The following DDX11 variants were observed in gnomAD, a reference collection of about 807,000 sequenced individuals.
The protein encoded by DDX11 is ATP-dependent DNA helicase DDX11.
A neutral mutation model predicts 125.2 loss-of-function variants in DDX11; 72 were observed. The observed-to-expected ratio is 0.58, with a 90% CI of 0.48 to 0.70. DDX11 has a LOEUF of 0.70. Ranked by LOEUF, DDX11 falls within the 30% of genes least tolerant of loss-of-function variation. The probability of loss-of-function intolerance (pLI) is 0.00; values close to 1 mark genes in which losing one functional copy is unlikely to be tolerated. For synonymous variants in DDX11, 347 were observed against 452.6 expected, an observed-to-expected ratio of 0.77 and a Z score of 2.96; for missense variants, 883 against 1,165.0, an observed-to-expected ratio of 0.76 and a Z score of 3.52.
chr12:31,084,987 A>G lies in DDX11; in HGVS notation c.499A>G (p.Arg167Gly), dbSNP rs757579341. ...TGTCCAGAGGCAGGAAGAAGAAGAA[A>G]GAGAGAATCTCCTCCGCCTCAGCAG... Reference protein sequence around the residue: ...AKRLRQEEEERENLLRLSREM... With the variant: ...AKRLRQEEEEGENLLRLSREM... The change falls in exon 5 of 27, where the codon AGA becomes GGA. Residue 167 changes from arginine (R) to glycine (G), a missense_variant. Transcript: ENST00000542838. 422 of 1,609,214 alleles carry G rather than the reference A, an allele frequency of 2.6e-4. No individual in the cohort carries two copies. The highest frequency in any genetic ancestry group is 3.5e-4 in the Non-Finnish European group (413 of 1,177,636).
At chr12:31,087,674 C>T (rs376224303) in intron 5 of DDX11, 24 of 557,288 alleles carry the variant, frequency 4.3e-5, no homozygotes, top group African/African-American at 2.8e-4. Context: ...CCATGAGTCC[C>T]GAGGCTTCCG....
At position 31,102,312 on chromosome 12, in the gene DDX11, G is replaced by A. The variant is rs756194287; in HGVS notation, c.2271+1G>A. ...GCTGGCATATTCCAGGTGCATCCAG[G>A]TGCGGGCGTCATGCTGGGCTTGGGT... On this transcript the variant is annotated splice_donor_variant, in intron 22 of 26. Transcript: ENST00000542838. LOFTEE classifies it high-confidence loss of function. 9 of 1,614,000 alleles carry A rather than the reference G, an allele frequency of 5.6e-6. No individual in the cohort carries two copies. The African/African-American group carries it at 1.2e-4, about 22-fold the overall frequency.
intron 5 of DDX11, among the ~76,000 whole-genome samples, chr12:31,087,050 G>A (rs185893569): frequency 4.7e-5 from 7 of 149,568 alleles, no homozygotes; most frequent in Non-Finnish European, 7.4e-5. Flanking sequence ...GCGTGTGCCT[G>A]TCAGATGGTT....
At position 31,100,840 on chromosome 12, in the gene DDX11, C is replaced by T. The variant is rs190953074; in HGVS notation, c.1948+133C>T. ...CGGGGTGGGAGCCTCACCCTTCGTG[C>T]GCTCGCCCAGGCTCTCCTGCTTTGC... On this transcript the variant is annotated intron_variant, in intron 19 of 26. Coordinates refer to ENST00000542838, the MANE Select transcript of DDX11 (RefSeq NM_030653.4). 266 of 1,125,638 alleles carry T rather than the reference C, an allele frequency of 2.4e-4. 1 individual carries two copies. The African/African-American group carries it at 3.2e-3, about 14-fold the overall frequency. 69.7% of individuals were successfully genotyped at this position (1,125,638 alleles called of 1,614,324 possible).
intron 1 of DDX11, 181 bp from the exon 2 acceptor site, chr12:31,078,209 T>G: frequency 6.5e-7 from 1 of 1,534,928 alleles, no homozygotes; most frequent in Non-Finnish European, 8.8e-7. Context: ...AGTGCGTGAT[T>G]CTGGTATGGC....
intron 9 of DDX11, chr12:31,091,471 T>C: frequency 1.9e-6 from 1 of 515,144 alleles, no homozygotes; most frequent in Non-Finnish European, 3.5e-6. Flanking sequence ...AAGCAGGGGT[T>C]CCCTTCACCC....
At chr12:31,086,002 CG>C (rs1943062041) in intron 5 of DDX11, 1 of 452,680 alleles carries the variant, frequency 2.2e-6, no homozygotes, top group African/African-American at 2.0e-5. Flanking sequence ...GGTTCATCCC[CG>C]GCCTTCACAG....
intron 7 of DDX11, 23 bp from the exon 8 acceptor site, chr12:31,089,380 T>A (rs2005897): frequency 6.3e-7 from 1 of 1,589,024 alleles, no homozygotes; most frequent in African/African-American, 1.3e-5. Flanking sequence ...TCTTTTTGCC[T>A]CTTTCTTTCT....
rs1295524375 is a variant in DDX11 at position 31,093,267 on chromosome 12, C to T, written c.1312C>T (p.Leu438=). ...CAGGAAGCGTTTGAAGGCCAAGAAC[C>T]TGATGTACCTGAAGCAGATCCTGTA... ...RYGKRLKAKN[L]MYLKQILYLL... The change falls in exon 12 of 27, where the codon CTG becomes TTG. Residue 438 remains leucine (L), a synonymous_variant. Coordinates refer to ENST00000542838, the MANE Select transcript of DDX11 (RefSeq NM_030653.4). 5 of 1,613,314 alleles carry T rather than the reference C, an allele frequency of 3.1e-6. No homozygotes were observed. The highest frequency in any genetic ancestry group is 4.5e-5 in the East Asian group (2 of 44,858).
rs12424577 is a variant in DDX11, at chr12:31,089,182, C to T, written c.792+31C>T. The T allele has an allele frequency of 9.8e-3, 15,455 of 1,570,972 alleles. 1,594 individuals are homozygous for T. In the Admixed American group the frequency reaches 0.21, roughly 21 times the overall value. On this transcript the variant is annotated intron_variant, in intron 7 of 26. Transcript: ENST00000542838. ...CAGTAGCCAGTATTTCCACCAGGGG[C>T]CATCCTGCTCCTTTCGCCACAACTT...
At chr12:31,103,222 G>A (rs975503440) in intron 24 of DDX11, 95 bp from the exon 25 acceptor site, 3 of 1,549,026 alleles carry the variant, frequency 1.9e-6, no homozygotes, top group Non-Finnish European at 2.6e-6. Context: ...TGGCCACGAA[G>A]CCTCCTGGTC....
chr12:31,074,565 C>T (rs1305145704), intron 1 of DDX11, among the ~76,000 whole-genome samples: 1 of 152,164 alleles, frequency 6.6e-6, no homozygotes, highest in Non-Finnish European at 1.5e-5. Context: ...TAAAAATGGA[C>T]TTAAATGCTG....
rs752835521 is a variant in DDX11, at chr12:31,087,930, A to T, written c.639-8A>T. ...AAGACTGTTTTCTGTTCTCTCTCACACACACAGAGTGGATGAGGATGAGGA... is the reference window on the plus strand; with the variant it reads ...AAGACTGTTTTCTGTTCTCTCTCACTCACACAGAGTGGATGAGGATGAGGA... On this transcript the variant is annotated splice_region_variant and splice_polypyrimidine_tract_variant and intron_variant, in intron 5 of 26. Transcript: ENST00000542838. 9.3e-6 allele frequency: 15 copies of T among 1,608,330 alleles called. 1 individual carries two copies. The highest frequency in any genetic ancestry group is 7.8e-5 in the South Asian group (7 of 89,904).
chr12:31,080,365 C>T (rs1442917367), intron 2 of DDX11, among the ~76,000 whole-genome samples: 1 of 152,228 alleles, frequency 6.6e-6, no homozygotes. Flanking sequence ...CTCTTGCCTC[C>T]TCAATCTGCC....
intron 2 of DDX11, among the ~76,000 whole-genome samples, chr12:31,082,912 G>A (rs1048221893): frequency 2.0e-5 from 3 of 152,216 alleles, no homozygotes; most frequent in East Asian, 1.9e-4. Context: ...TCATCACATC[G>A]CCTGCCTTCT....
rs772518538 is a variant in DDX11 at position 31,103,814 on chromosome 12, G to A, written c.2699G>A (p.Arg900Gln). 3.1e-5 allele frequency: 50 copies of A among 1,613,694 alleles called. 1 individual carries two copies. Among genetic ancestry groups the A allele is most frequent in the Admixed American group, 1.2e-4 (7 of 59,988 alleles). The change falls in exon 27 of 27, where the codon CGG (arginine) becomes CAG (glutamine). Residue 900 changes from arginine to glutamine, a missense_variant. Around this residue, in one of 5 missense-constraint regions of DDX11, gnomAD observed 285 missense variants for 346.0 expected, o/e 0.82. Transcript: ENST00000542838. ...TGCCTTCTGTCTGCCCAGTTTCACC[G>A]GGAGAAGTCGGCCTCTTCCTGATGG... ...PAIAAVQKFH[R>Q]EKSASS is the part of the protein sequence containing the mutation.
chr12:31,089,691 A>T, intron 8 of DDX11, 195 bp from the exon 9 acceptor site: 5 of 1,223,862 alleles, frequency 4.1e-6, no homozygotes, highest in Non-Finnish European at 5.9e-6. Flanking sequence ...CTTGGAGATG[A>T]TTTTACGGGC....
At chr12:31,080,144 T>G (rs543204008) in intron 2 of DDX11, among the ~76,000 whole-genome samples, 1 of 146,812 alleles carries the variant, frequency 6.8e-6, no homozygotes, top group South Asian at 2.3e-4. Context: ...CAGGCTGGGC[T>G]CCTTTGTTGG....
chr12:31,096,508 G>A (rs1303412084), intron 15 of DDX11, 129 bp downstream of exon 15: 4 of 1,594,728 alleles, frequency 2.5e-6, no homozygotes, highest in East Asian at 2.2e-5. Context: ...CCTTGGTGCA[G>A]TGGGCCTTGC....
Sources: gnomAD v4.1 joint callset for allele counts (sites outside exome capture counted in the v4.1 genomes callset) on GRCh38, gnomAD v4.1.1 for gene constraint, gnomAD v4.1.1 regional missense constraint, MANE v1.5 for transcripts, NCBI Gene and HGNC (gene_info 2026-07-23, HGNC 2026-07-21) for gene names.